ATP13A1: variants seen among roughly 807,000 people sequenced by gnomAD.
ATP13A1 encodes ATPase 13A1.
A neutral mutation model predicts 134.8 loss-of-function variants in ATP13A1; 55 were observed. The observed-to-expected ratio is 0.41, with a 90% confidence interval of 0.33 to 0.51. The LOEUF (loss-of-function observed/expected upper bound fraction) is 0.51, where lower values mean the gene tolerates loss of function less well. ATP13A1 is among the 20% of genes least tolerant of loss of function. The probability of loss-of-function intolerance (pLI) is 0.29; values close to 1 mark genes in which losing one functional copy is unlikely to be tolerated. For missense variants in ATP13A1, 1,389 were observed against 1,652.8 expected (o/e 0.84, Z 2.77); for synonymous variants, 775 against 725.1 (o/e 1.07, Z -1.10).
Position 19,647,335 on chromosome 19 carries a change from G to T in ATP13A1, c.2909-10C>A, listed in dbSNP as rs45593331. 6.2e-7 allele frequency: 1 copy of T among 1,611,720 alleles called. No homozygotes were observed. Among genetic ancestry groups the T allele is most frequent in the African/African-American group, 1.3e-5 (1 of 74,808 alleles). On this transcript the variant is annotated splice_polypyrimidine_tract_variant and intron_variant, in intron 21 of 25. Transcript: ENST00000357324. This position sits in a 1 kb window ranked among gnomAD's most constrained non-coding sequence, Gnocchi z 4.8. ...TTGATCACGTGGCAGACTGCAGGGTGGTGGGGAGGCAGGTGTGGGTGTGGG... is the reference window on the plus strand; with the variant it reads ...TTGATCACGTGGCAGACTGCAGGGTTGTGGGGAGGCAGGTGTGGGTGTGGG...
intron 1 of ATP13A1, among the ~76,000 whole-genome samples, chr19:19,661,717 T>C (rs1275008617): frequency 6.6e-6 from 1 of 152,140 alleles, no homozygotes; most frequent in Non-Finnish European, 1.5e-5. Context: ...TGAACCGCCA[T>C]CCATTCCTCT....
intron 18 of ATP13A1, 25 bp from the exon 19 acceptor site, chr19:19,649,688 C>CAG (rs2062011448): frequency 1.2e-6 from 2 of 1,613,532 alleles, no homozygotes; most frequent in African/African-American, 2.7e-5. Context: ...ACAGGCTGAG[C>CAG]AGGGGCTGCG....
In ATP13A1 at chr19:19,656,500, C is replaced by T. The variant is rs2062059344; in HGVS notation, c.1083+160G>A. Among the ~76,000 whole-genome samples the T allele has an allele frequency of 1.3e-5, 2 of 152,120 alleles. 1 individual carries two copies. Among genetic ancestry groups the T allele is most frequent in the South Asian group, 4.1e-4 (2 of 4,830 alleles). On this transcript the variant is annotated intron_variant, in intron 7 of 25. Transcript: ENST00000357324. The surrounding 1 kb of genome is among the most constrained non-coding windows in gnomAD (Gnocchi z 4.6). ...TGCCCTTGGCTCTCTCACCTCCTTC[C>T]TCGCCCCCACCACCCGGCTCCCCAG...
At chr19:19,662,097 A>G in intron 1 of ATP13A1, 3 of 1,574,876 alleles carry the variant, frequency 1.9e-6, no homozygotes, top group South Asian at 1.2e-5. Flanking sequence ...ATGGCTGTTC[A>G]GCTCCTCCCA....
Position 19,663,397 on chromosome 19 carries a change from G to A in ATP13A1, c.270C>T (p.Gly90=), listed in dbSNP as rs2062107104. 6.3e-6 allele frequency: 10 copies of A among 1,582,654 alleles called. No homozygotes were observed. Among genetic ancestry groups the A allele is most frequent in the Non-Finnish European group, 8.6e-6 (10 of 1,166,542 alleles). Residue 90 remains glycine, a synonymous_variant, in exon 1 of 26, where the codon GGC becomes GGT. Transcript: ENST00000357324. ...GAAAAGCWGW[G]SSWVQIPEAA... Reference sequence around the variant, plus strand: ...CTTCGGGGATCTGCACCCAACTGCTGCCCCAGCCCCAGCAGCCAGCGGCTG... The same window carrying A: ...CTTCGGGGATCTGCACCCAACTGCTACCCCAGCCCCAGCAGCCAGCGGCTG...
chr19:19,658,988 G>A (rs1381487497), intron 3 of ATP13A1, among the ~76,000 whole-genome samples: 1 of 152,148 alleles, frequency 6.6e-6, no homozygotes, highest in African/African-American at 2.4e-5. Flanking sequence ...TGCTGAGGAG[G>A]GGCCACAGGC....
Position 19,656,281 on chromosome 19 carries a change from AG to A in ATP13A1, c.1084-99del, listed in dbSNP as rs1228885410. 1 of 1,495,558 alleles carries A rather than the reference AG, an allele frequency of 6.7e-7. No homozygotes were observed. The highest frequency in any genetic ancestry group is 2.1e-5 in the Admixed American group (1 of 47,766). The allele number at this position is 1,495,558 out of a possible 1,614,324, so 92.6% of individuals were successfully genotyped here. A position where few individuals can be genotyped will look rare whatever the true frequency, so the allele number is the denominator to read the frequency against. ...CTGGACCTTGAGGCTGGAATGAGCC[AG>A]GGGGATCCCCACCCGACCAATACAT... On this transcript the variant is annotated intron_variant, in intron 7 of 25. Coordinates refer to ENST00000357324, the MANE Select transcript of ATP13A1 (RefSeq NM_020410.3). The surrounding 1 kb of genome is among the most constrained non-coding windows in gnomAD (Gnocchi z 4.6).
Position 19,654,098 on chromosome 19 carries a change from A to T in ATP13A1, c.1860T>A (p.Ile620=). Residue 620 remains isoleucine, a synonymous_variant, in exon 14 of 26, where the codon ATT becomes ATA. Coordinates refer to ENST00000357324, the MANE Select transcript of ATP13A1 (RefSeq NM_020410.3). ...PRSIKTQGLK[I]HQRFHFASAL... The stretch of plus-strand genomic sequence containing the variant: ...CACTGGCAAAATGAAAGCGCTGGTG[A>T]ATTTTCAGCCCCTGAGTTTTAATAC... 1 of 1,593,056 alleles carries T rather than the reference A, an allele frequency of 6.3e-7. No homozygotes were observed. The highest frequency in any genetic ancestry group is 8.5e-7 in the Non-Finnish European group (1 of 1,169,932).
chr19:19,652,743 T>G (rs1033727553), intron 15 of ATP13A1, 23 bp from the exon 16 acceptor site: 4 of 1,589,498 alleles, frequency 2.5e-6, no homozygotes, highest in Non-Finnish European at 3.4e-6. Flanking sequence ...AGGGGCACCC[T>G]CACCATCTGT....
In ATP13A1 at chr19:19,656,303, T is replaced by G. The variant is rs528759234; in HGVS notation, c.1084-120A>C. ...GCCAGGGGGATCCCCACCCGACCAATACATCCCACCCAGCTCCCAGATCCT... is the reference window on the plus strand; with the variant it reads ...GCCAGGGGGATCCCCACCCGACCAAGACATCCCACCCAGCTCCCAGATCCT... On this transcript the variant is annotated intron_variant, in intron 7 of 25. Transcript: ENST00000357324. The surrounding 1 kb of genome is among the most constrained non-coding windows in gnomAD (Gnocchi z 4.6). The G allele has an allele frequency of 5.2e-6, 7 of 1,353,980 alleles. No individual in the cohort carries two copies. Among genetic ancestry groups the G allele is most frequent in the Non-Finnish European group, 7.0e-6 (7 of 998,364 alleles). The allele number at this position is 1,353,980 out of a possible 1,614,324, so 83.9% of individuals were successfully genotyped here. A position where few individuals can be genotyped will look rare whatever the true frequency, so the allele number is the denominator to read the frequency against.
chr19:19,658,149 CAAAA>C (rs61328844), intron 3 of ATP13A1, among the ~76,000 whole-genome samples: 17,522 of 66,322 alleles, frequency 0.26, 1,230 homozygotes, highest in Middle Eastern at 0.37. Context: ...ACCCTGTCTC[CAAAA>C]AAAAAAAAAA....
chr19:19,651,595 G>T, intron 17 of ATP13A1, 94 bp downstream of exon 17: 1 of 959,206 alleles, frequency 1.0e-6, no homozygotes. Flanking sequence ...ACACTGTGCT[G>T]CTGAGGCCTG....
Position 19,656,790 on chromosome 19 carries a change from T to G in ATP13A1, c.977-24A>C. On this transcript the variant is annotated intron_variant, in intron 6 of 25. Transcript: ENST00000357324. This position sits in a 1 kb window ranked among gnomAD's most constrained non-coding sequence, Gnocchi z 4.6. Reference sequence around the variant, plus strand: ...GCCTGCAGGGCAGAGGCAGGAGGGTTGGCCAGAGGCCCTGAGGCTGGGGCT... The same window carrying G: ...GCCTGCAGGGCAGAGGCAGGAGGGTGGGCCAGAGGCCCTGAGGCTGGGGCT... 4 of 1,612,950 alleles carry G rather than the reference T, an allele frequency of 2.5e-6. No homozygotes were observed. The highest frequency in any genetic ancestry group is 3.4e-6 in the Non-Finnish European group (4 of 1,179,580).
chr19:19,659,228 G>T (rs915170513), intron 3 of ATP13A1, among the ~76,000 whole-genome samples: 2 of 152,208 alleles, frequency 1.3e-5, no homozygotes, highest in African/African-American at 4.8e-5. Flanking sequence ...GCCAACATGG[G>T]AGGATCACCT....
At chr19:19,661,896 G>C (rs1465229676) in intron 1 of ATP13A1, among the ~76,000 whole-genome samples, 1 of 152,204 alleles carries the variant, frequency 6.6e-6, no homozygotes, top group Non-Finnish European at 1.5e-5. Context: ...ACGGAAGAAA[G>C]GTACAAGAGG....
At chr19:19,648,598 C>T (rs1468413950) in intron 19 of ATP13A1, among the ~76,000 whole-genome samples, 1 of 151,504 alleles carries the variant, frequency 6.6e-6, no homozygotes, top group Non-Finnish European at 1.5e-5. Flanking sequence ...CATCTGAAGT[C>T]AGGAGTTGGA....
chr19:19,657,715 G>A (rs1297837264), intron 3 of ATP13A1, among the ~76,000 whole-genome samples: 1 of 152,178 alleles, frequency 6.6e-6, no homozygotes, highest in African/African-American at 2.4e-5. Context: ...TCAGACGAGA[G>A]CCCGTCATCT....
In ATP13A1 at chr19:19,647,636, C is replaced by A; in HGVS notation, c.2756G>T (p.Gly919Val). 6.2e-7 allele frequency: 1 copy of A among 1,613,312 alleles called. No homozygotes were observed. The highest frequency in any genetic ancestry group is 8.5e-7 in the Non-Finnish European group (1 of 1,179,854). Residue 919 changes from glycine (G) to valine (V), a missense_variant, in exon 20 of 26, where the codon GGG becomes GTG. By Grantham distance (109) the Gly-to-Val change is moderately radical (BLOSUM62 -3). This residue lies in a region of ATP13A1 where 121 missense variants were observed against 104.9 expected (regional missense o/e 1.15). Coordinates refer to ENST00000357324, the MANE Select transcript of ATP13A1 (RefSeq NM_020410.3). This position sits in a 1 kb window ranked among gnomAD's most constrained non-coding sequence, Gnocchi z 4.8. ...TGGCTGCTCCTCGGAGGGAGGGAGC[C>A]CCGACCGCTGCTTGGCTGTCCTGGA... ...ATSRTAKQRSGLPPSEEQPTS... is the reference protein window; with the variant it reads ...ATSRTAKQRSVLPPSEEQPTS...
chr19:19,652,751 T>C, intron 15 of ATP13A1, 31 bp from the exon 16 acceptor site: 1 of 1,583,190 alleles, frequency 6.3e-7, no homozygotes. Flanking sequence ...CCTCACCATC[T>C]GTCCCTCCCT....
Sources: allele counts gnomAD v4.1 joint callset (sites outside exome capture counted in the v4.1 genomes callset), GRCh38; gene constraint gnomAD v4.1.1; regional missense constraint gnomAD v4.1.1; non-coding constraint Gnocchi (gnomAD v3.1); transcripts MANE v1.5; gene names NCBI Gene and HGNC (gene_info 2026-07-23, HGNC 2026-07-21).